The following DNAH10 variants were observed in gnomAD, a reference collection of about 807,000 sequenced individuals.
DNAH10 encodes axonemal beta dynein heavy chain 10.
In DNAH10, 348 loss-of-function variants were observed where a neutral mutation model predicts 506.6. That is an observed-to-expected ratio of 0.69 (90% CI 0.63 to 0.75). The LOEUF (loss-of-function observed/expected upper bound fraction) is 0.75, where lower values mean the gene tolerates loss of function less well. DNAH10 is among the 30% of genes least tolerant of loss of function. The probability of loss-of-function intolerance (pLI) is 0.00; values close to 1 mark genes in which losing one functional copy is unlikely to be tolerated. For missense variants in DNAH10, 5,179 were observed against 5,787.1 expected (o/e 0.89, Z 3.41); for synonymous variants, 2,059 against 2,198.6 (o/e 0.94, Z 1.78).
At chr12:123,879,413 G>A (rs1297914947) in intron 49 of DNAH10, 56 bp downstream of exon 49, 74 of 1,536,986 alleles carry the variant, frequency 4.8e-5, no homozygotes, top group Non-Finnish European at 5.0e-5. Flanking sequence ...ATAAACAAGC[G>A]CCAAAAGTGT....
At chr12:123,859,019 GTGAA>G in intron 37 of DNAH10, 127 bp from the exon 38 acceptor site, 1 of 854,120 alleles carries the variant, frequency 1.2e-6, no homozygotes, top group South Asian at 1.6e-5. Flanking sequence ...GCACAACTCT[GTGAA>G]TATACTGGAA....
intron 50 of DNAH10, among the ~76,000 whole-genome samples, chr12:123,880,796 C>A: frequency 9.5e-6 from 1 of 105,782 alleles, no homozygotes; most frequent in African/African-American, 3.7e-5. Flanking sequence ...GCTATCCCTC[C>A]CCCCTCCCCC....
rs1423642585 is a variant in DNAH10, at chr12:123,875,476, G to A, written c.8184G>A (p.Leu2728=). The A allele has an allele frequency of 1.9e-6, 3 of 1,613,730 alleles. No homozygotes were observed. The African/African-American group carries it at 4.0e-5, about 22-fold the overall frequency. ...ESLHLIYSSI[L]KGHTSTFHES... The stretch of plus-strand genomic sequence containing the variant: ...TGCATTTAATTTATTCCTCCATCCT[G>A]AAAGGCCACACCTCGGTAACTTGAT... Residue 2728 remains leucine (L), a synonymous_variant, in exon 47 of 79, where the codon CTG becomes CTA. Coordinates refer to ENST00000673944, the MANE Select transcript of DNAH10 (RefSeq NM_001372106.1).
chr12:123,833,478 A>G, intron 27 of DNAH10, 131 bp downstream of exon 27: 1 of 717,484 alleles, frequency 1.4e-6, no homozygotes, highest in Non-Finnish European at 2.3e-6. Flanking sequence ...CCTCTTTCAT[A>G]CTTTTTTGTC....
At chr12:123,764,700 C>T (rs1326555212) in intron 1 of DNAH10, among the ~76,000 whole-genome samples, 3 of 152,164 alleles carry the variant, frequency 2.0e-5, no homozygotes, top group Non-Finnish European at 4.4e-5. Flanking sequence ...CCAAAGGGAG[C>T]TCAGAACTCC....
intron 28 of DNAH10, 95 bp downstream of exon 28, chr12:123,835,623 A>G (rs1473485269): frequency 2.0e-6 from 3 of 1,473,300 alleles, no homozygotes; most frequent in Non-Finnish European, 2.7e-6. Flanking sequence ...CTCCATTAGT[A>G]GCTTCTCTCT....
At position 123,873,637 on chromosome 12, in the gene DNAH10, G is replaced by A. The variant is rs752822700; in HGVS notation, c.7865G>A (p.Arg2622Gln). Residue 2622 changes from arginine (R) to glutamine (Q), a missense_variant, in exon 46 of 79, where the codon CGA becomes CAA. Around this residue, in one of 3 missense-constraint regions of DNAH10, gnomAD observed 4,844 missense variants for 5,430.5 expected, o/e 0.89. Transcript: ENST00000673944. ...QRNLEANVEK[R>Q]TKDTYGPPMG... ...AATTTAGAAGCAAATGTGGAAAAGCGAACCAAAGATACTTACGGCCCACCC... is the reference window on the plus strand; with the variant it reads ...AATTTAGAAGCAAATGTGGAAAAGCAAACCAAAGATACTTACGGCCCACCC... 1.1e-5 allele frequency: 17 copies of A among 1,613,708 alleles called. No individual in the cohort carries two copies. Among genetic ancestry groups the A allele is most frequent in the Admixed American group, 5.0e-5 (3 of 59,958 alleles).
At position 123,813,880 on chromosome 12, in the gene DNAH10, C is replaced by T. The variant is rs995867542; in HGVS notation, c.3748C>T (p.Arg1250Ter). Residue 1250 changes from arginine to a stop codon, truncating the protein, a stop_gained, in exon 21 of 79, where the codon CGA becomes TGA. Coordinates refer to ENST00000673944, the MANE Select transcript of DNAH10 (RefSeq NM_001372106.1). LOFTEE classifies it high-confidence loss of function. The stretch of plus-strand genomic sequence containing the variant: ...ACTCAGATATAGGGACGTCCAGGAG[C>T]GATACCGTACCATGGCAATGTATAA... ...MELRYRDVQE[R>*]YRTMAMYNLF... 7 of 1,601,392 alleles carry T rather than the reference C, an allele frequency of 4.4e-6. No individual in the cohort carries two copies. The highest frequency in any genetic ancestry group is 2.7e-5 in the African/African-American group (2 of 73,928).
chr12:123,792,192 A>G (rs944691640), intron 11 of DNAH10, among the ~76,000 whole-genome samples: 1 of 152,206 alleles, frequency 6.6e-6, no homozygotes, highest in Non-Finnish European at 1.5e-5. Context: ...TGAGCTGGGA[A>G]GACCATCATA....
intron 26 of DNAH10, 92 bp downstream of exon 26, chr12:123,830,791 AAAAAT>A: frequency 2.3e-6 from 3 of 1,313,052 alleles, no homozygotes; most frequent in Non-Finnish European, 3.0e-6. Context: ...AAAAAAAAAA[AAAAAT>A]TAGCTGAGCG....
In DNAH10 at chr12:123,826,137, T is replaced by A. The variant is rs561923588; in HGVS notation, c.4180-550T>A. On this transcript the variant is annotated intron_variant, in intron 24 of 78. Coordinates refer to ENST00000673944, the MANE Select transcript of DNAH10 (RefSeq NM_001372106.1). ...ACCCTGTCTCCAAAAAAAATAAAAA[T>A]AATAATTTTTACATTAAATCTCAGG... Among the ~76,000 whole-genome samples, 704 of 151,696 alleles carry A rather than the reference T, an allele frequency of 4.6e-3. 7 individuals carry two copies. Among genetic ancestry groups the A allele is most frequent in the African/African-American group, 0.016 (674 of 41,226 alleles).
At chr12:123,788,841 G>A (rs1318855453) in intron 10 of DNAH10, among the ~76,000 whole-genome samples, 7 of 95,124 alleles carry the variant, frequency 7.4e-5, no homozygotes, top group Non-Finnish European at 1.2e-4. Context: ...TGGCACGTTG[G>A]CTTGAGCCTG....
intron 69 of DNAH10, chr12:123,927,975 T>C (rs967161090): frequency 7.1e-5 from 15 of 211,836 alleles, no homozygotes; most frequent in African/African-American, 2.8e-4. Flanking sequence ...GGAGGGGACA[T>C]GGTGATTGTT....
intron 52 of DNAH10, among the ~76,000 whole-genome samples, chr12:123,890,146 G>A (rs1344976203): frequency 6.6e-6 from 1 of 152,244 alleles, no homozygotes; most frequent in Non-Finnish European, 1.5e-5. Context: ...CTGTTGTGCA[G>A]GGATCAGGAC....
intron 1 of DNAH10, among the ~76,000 whole-genome samples, chr12:123,765,564 T>TTATCTATCTATCTATCTATCTATCTATC (rs142140309): frequency 6.7e-6 from 1 of 149,296 alleles, no homozygotes; most frequent in Non-Finnish European, 1.5e-5. Flanking sequence ...TATCTATACT[T>TTATCTATCTATCTATCTATCTATCTATC]TATCTATCTA....
Position 123,928,203 on chromosome 12 carries a change from GC to G in DNAH10, c.12106-181del, listed in dbSNP as rs1245464838. The G allele has an allele frequency of 1.5e-6, 1 of 672,274 alleles. No individual in the cohort carries two copies. The highest frequency in any genetic ancestry group is 1.8e-5 in the African/African-American group (1 of 55,294). 41.6% of individuals were successfully genotyped at this position (672,274 alleles called of 1,614,324 possible). ...GTGACCAGCTCAGTGCACCCACGGG[GC>G]CCATGGGGTTTCTCAAAGATGGTTT... On this transcript the variant is annotated intron_variant, in intron 69 of 78. Coordinates refer to ENST00000673944, the MANE Select transcript of DNAH10 (RefSeq NM_001372106.1). This position sits in a 1 kb window ranked among gnomAD's most constrained non-coding sequence, Gnocchi z 4.9.
At position 123,887,262 on chromosome 12, in the gene DNAH10, C is replaced by T. The variant is rs1349651534; in HGVS notation, c.8944C>T (p.His2982Tyr). The change falls in exon 52 of 79, where the codon CAT becomes TAT. Residue 2982 changes from histidine (H) to tyrosine (Y), a missense_variant. This residue lies in a region of DNAH10 where 4,844 missense variants were observed against 5,430.5 expected (regional missense o/e 0.89). Transcript: ENST00000673944. Reference sequence around the variant, plus strand: ...GATGATCTTTCTGTTCACGGATGCCCATGTGGCTGAGGAGGGCTTCCTGGA... The same window carrying T: ...GATGATCTTTCTGTTCACGGATGCCTATGTGGCTGAGGAGGGCTTCCTGGA... ...KAMIFLFTDA[H>Y]VAEEGFLELI... 1 of 1,613,950 alleles carries T rather than the reference C, an allele frequency of 6.2e-7. No homozygotes were observed. Among genetic ancestry groups the T allele is most frequent in the Admixed American group, 1.7e-5 (1 of 60,006 alleles).
Position 123,914,940 on chromosome 12 carries a change from G to A in DNAH10, c.10663G>A (p.Asp3555Asn), listed in dbSNP as rs1360251097. The A allele has an allele frequency of 3.7e-6, 6 of 1,612,282 alleles. No individual in the cohort carries two copies. Among genetic ancestry groups the A allele is most frequent in the Non-Finnish European group, 5.1e-6 (6 of 1,179,230 alleles). ...GGCCAGCCGCTTCCCTCTGTGTATC[G>A]ACCCCCAGCAGCAGGCCCTCAACTG... is the stretch of plus-strand genomic sequence containing the variant. Reference protein sequence around the residue: ...TRASRFPLCIDPQQQALNWIK... With the variant: ...TRASRFPLCINPQQQALNWIK... Residue 3555 changes from aspartate (D) to asparagine (N), a missense_variant, in exon 62 of 79, where the codon GAC becomes AAC. By Grantham distance (23) the Asp-to-Asn change is conservative. Coordinates refer to ENST00000673944, the MANE Select transcript of DNAH10 (RefSeq NM_001372106.1).
At chr12:123,812,905 G>T (rs1958995569) in intron 19 of DNAH10, among the ~76,000 whole-genome samples, 1 of 152,068 alleles carries the variant, frequency 6.6e-6, no homozygotes. Context: ...TTGACTCCTT[G>T]GTTTGAATTT....
Sources: allele counts gnomAD v4.1 joint callset (sites outside exome capture counted in the v4.1 genomes callset), GRCh38; gene constraint gnomAD v4.1.1; regional missense constraint gnomAD v4.1.1; non-coding constraint Gnocchi (gnomAD v3.1); transcripts MANE v1.5; gene names NCBI Gene and HGNC (gene_info 2026-07-23, HGNC 2026-07-21).